Variants in HRH4 observed in about 807,000 individuals in gnomAD.
The protein encoded by HRH4 is histamine H4 receptor.
Under a neutral mutation model 10.4 loss-of-function variants are expected in HRH4, and 12 were observed. The ratio of observed to expected loss-of-function variants is 1.15; its 90% CI spans 0.74 to 1.87. HRH4 has a LOEUF of 1.87. HRH4 is among the 40% of genes most tolerant of loss of function. The pLI is 0.00. For synonymous variants in HRH4, 154 were observed against 166.6 expected (o/e 0.92, Z 0.58); for missense variants, 415 against 453.3 (o/e 0.92, Z 0.77).
rs1428990248 is a variant in HRH4 at position 24,479,325 on chromosome 18, C to A, written c.*1763C>A. On this transcript the variant is annotated 3_prime_UTR_variant, in exon 3 of 3. Transcript: ENST00000256906. ...AAATATTGTTGTATTTACTTAATGT[C>A]TTTAATGCATTTGCCCAATATTTTA... 6.6e-6 allele frequency: 1 copy of A among 152,118 alleles called. No individual in the cohort carries two copies. The highest frequency in any genetic ancestry group is 1.5e-5 in the Non-Finnish European group (1 of 68,020). 9.4% of individuals were successfully genotyped at this position (152,118 alleles called of 1,614,324 possible).
intron 2 of HRH4, among the ~76,000 whole-genome samples, chr18:24,471,131 T>C (rs1357979608): frequency 6.6e-6 from 1 of 151,846 alleles, no homozygotes; most frequent in Non-Finnish European, 1.5e-5. Flanking sequence ...CATACTTCAT[T>C]GGCGCCAGGG....
At chr18:24,467,647 G>A (rs978532067) in intron 1 of HRH4, among the ~76,000 whole-genome samples, 4 of 152,074 alleles carry the variant, frequency 2.6e-5, no homozygotes, top group Admixed American at 6.6e-5. Flanking sequence ...GGGTTCAAGC[G>A]GTTCTCTTGC....
intron 1 of HRH4, among the ~76,000 whole-genome samples, chr18:24,462,861 T>A (rs1909678889): frequency 6.6e-6 from 1 of 152,240 alleles, no homozygotes; most frequent in Non-Finnish European, 1.5e-5. Flanking sequence ...CCCATAAACA[T>A]GTACAAATAC....
chr18:24,469,829 G>A (rs970431891), intron 2 of HRH4, among the ~76,000 whole-genome samples: 6 of 152,094 alleles, frequency 3.9e-5, no homozygotes, highest in Non-Finnish European at 8.8e-5. Flanking sequence ...TGCGTGTCGC[G>A]GGGGTTTTGG....
intron 1 of HRH4, among the ~76,000 whole-genome samples, chr18:24,462,425 C>T (rs2144363691): frequency 6.6e-6 from 1 of 152,144 alleles, no homozygotes; most frequent in Middle Eastern, 3.4e-3. Context: ...TGTGGGGCGG[C>T]ATGCTTTCAG....
intron 1 of HRH4, among the ~76,000 whole-genome samples, chr18:24,461,688 G>C (rs1347263419): frequency 1.3e-5 from 2 of 151,186 alleles, no homozygotes; most frequent in Non-Finnish European, 2.9e-5. Flanking sequence ...TTACATTTAT[G>C]TTAAAGTGAA....
At chr18:24,461,663 A>G (rs1385391315) in intron 1 of HRH4, among the ~76,000 whole-genome samples, 4 of 152,184 alleles carry the variant, frequency 2.6e-5, no homozygotes, top group African/African-American at 2.4e-5. Context: ...ATTTTTGTCT[A>G]TAACTACATA....
chr18:24,467,347 A>G (rs1456198440), intron 1 of HRH4, among the ~76,000 whole-genome samples: 1 of 152,226 alleles, frequency 6.6e-6, no homozygotes, highest in East Asian at 1.9e-4. Context: ...GGAGAGACAG[A>G]CTAAAAAGAT....
At position 24,477,484 on chromosome 18, in the gene HRH4, T is replaced by C. The variant is rs946478328; in HGVS notation, c.1095T>C (p.Phe365=). 3.1e-6 allele frequency: 5 copies of C among 1,611,474 alleles called. No homozygotes were observed. Among genetic ancestry groups the C allele is most frequent in the Non-Finnish European group, 4.2e-6 (5 of 1,178,972 alleles). ...TGTATCCATTGTGTCACAAGCGCTT[T>C]CAAAAGGCTTTCTTGAAAATATTTT... is the stretch of plus-strand genomic sequence containing the variant. ...PLLYPLCHKR[F]QKAFLKIFCI... The change falls in exon 3 of 3, where the codon TTT becomes TTC. Residue 365 remains phenylalanine (F), a synonymous_variant. Transcript: ENST00000256906.
In HRH4 at chr18:24,479,961, A is replaced by G. The variant is rs1910264628; in HGVS notation, c.*2399A>G. 6.6e-6 allele frequency: 1 copy of G among 152,076 alleles called. No individual in the cohort carries two copies. Among genetic ancestry groups the G allele is most frequent in the Non-Finnish European group, 1.5e-5 (1 of 68,026 alleles). The allele number at this position is 152,076 out of a possible 1,614,324, so 9.4% of individuals were successfully genotyped here. A position where few individuals can be genotyped will look rare whatever the true frequency, so the allele number is the denominator to read the frequency against. On this transcript the variant is annotated 3_prime_UTR_variant, in exon 3 of 3. Coordinates refer to ENST00000256906, the MANE Select transcript of HRH4 (RefSeq NM_021624.4). ...GAAATAAACTCTCATAAATGCACAC[A>G]TTTTTATAAACTTGCTACTTGTCTG...
Position 24,460,926 on chromosome 18 carries a change from G to A in HRH4, c.193+5G>A. 1.3e-6 allele frequency: 2 copies of A among 1,512,786 alleles called. No homozygotes were observed. 93.7% of individuals were successfully genotyped at this position (1,512,786 alleles called of 1,614,324 possible). On this transcript the variant is annotated splice_donor_5th_base_variant and intron_variant, in intron 1 of 2. Transcript: ENST00000256906. Reference sequence around the variant, plus strand: ...CCATCTCTGACTTCTTTGTGGGTAAGTTATATGTCTTTATTTAAGACAGTC... The same window carrying A: ...CCATCTCTGACTTCTTTGTGGGTAAATTATATGTCTTTATTTAAGACAGTC...
intron 2 of HRH4, 39 bp downstream of exon 2, chr18:24,468,990 T>C: frequency 6.6e-7 from 1 of 1,506,136 alleles, no homozygotes; most frequent in South Asian, 1.3e-5. Flanking sequence ...TAGAAGATTA[T>C]GTAAATGTAT....
chr18:24,470,401 C>A (rs1182076874), intron 2 of HRH4, among the ~76,000 whole-genome samples: 1 of 152,038 alleles, frequency 6.6e-6, no homozygotes, highest in Non-Finnish European at 1.5e-5. Flanking sequence ...GCCATCGTAG[C>A]CCCCAAACAG....
rs199947039 is a variant in HRH4 at position 24,460,957 on chromosome 18, C to T, written c.193+36C>T. The T allele has an allele frequency of 6.8e-5, 90 of 1,329,534 alleles. No homozygotes were observed. The African/African-American group carries it at 6.9e-4, about 10-fold the overall frequency. The allele number at this position is 1,329,534 out of a possible 1,614,324, so 82.4% of individuals were successfully genotyped here. A position where few individuals can be genotyped will look rare whatever the true frequency, so the allele number is the denominator to read the frequency against. On this transcript the variant is annotated intron_variant, in intron 1 of 2. Coordinates refer to ENST00000256906, the MANE Select transcript of HRH4 (RefSeq NM_021624.4). ...TGTCTTTATTTAAGACAGTCTTTTC[C>T]GATTTTAATTTATTTCTAAATCCTT...
intron 2 of HRH4, among the ~76,000 whole-genome samples, chr18:24,476,546 C>G (rs1910134461): frequency 6.6e-6 from 1 of 152,082 alleles, no homozygotes; most frequent in South Asian, 2.1e-4. Context: ...CAGTCTTCTC[C>G]CCTGAAAACC....
At chr18:24,470,501 A>ATTTTTTTTTTTTTTTTTT (rs200257355) in intron 2 of HRH4, among the ~76,000 whole-genome samples, 1 of 129,880 alleles carries the variant, frequency 7.7e-6, no homozygotes, top group African/African-American at 3.0e-5. Flanking sequence ...TTGTTTCTCT[A>ATTTTTTTTTTTTTTTTTT]TTTTTTTTTT....
chr18:24,475,246 G>A (rs1910104886), intron 2 of HRH4, among the ~76,000 whole-genome samples: 1 of 151,448 alleles, frequency 6.6e-6, no homozygotes, highest in Admixed American at 6.6e-5. Context: ...AAAAGATGGT[G>A]GCACTAGCCA....
intron 1 of HRH4, among the ~76,000 whole-genome samples, chr18:24,463,106 G>T (rs139815914): frequency 6.6e-6 from 1 of 152,318 alleles, no homozygotes; most frequent in African/African-American, 2.4e-5. Flanking sequence ...GATGGTTCTA[G>T]GTAAAAATGT....
chr18:24,471,777 G>A (rs1411176434), intron 2 of HRH4, among the ~76,000 whole-genome samples: 1 of 152,098 alleles, frequency 6.6e-6, no homozygotes, highest in East Asian at 1.9e-4. Context: ...ACAGTCAAGT[G>A]TTTGAAAAAT....
Sources: gnomAD v4.1 joint callset for allele counts (sites outside exome capture counted in the v4.1 genomes callset) on GRCh38, gnomAD v4.1.1 for gene constraint, MANE v1.5 for transcripts, NCBI Gene and HGNC (gene_info 2026-07-23, HGNC 2026-07-21) for gene names.